CDK6: variants seen among roughly 807,000 people sequenced by gnomAD.
CDK6 encodes the protein cyclin dependent kinase 6.
Under a neutral mutation model 37.1 loss-of-function variants are expected in CDK6, and 6 were observed. The ratio of observed to expected loss-of-function variants is 0.16; its 90% CI spans 0.09 to 0.32. The LOEUF (loss-of-function observed/expected upper bound fraction) is 0.32. Ranked by LOEUF, CDK6 falls within the 10% of genes least tolerant of loss-of-function variation. The pLI is 1.00. For synonymous variants in CDK6, 160 were observed against 161.3 expected (o/e 0.99, Z 0.06); for missense variants, 224 against 418.9 (o/e 0.53, Z 4.06).
At chr7:92,657,375 G>A (rs2116572520) in intron 5 of CDK6, among the ~76,000 whole-genome samples, 1 of 152,266 alleles carries the variant, frequency 6.6e-6, no homozygotes, top group East Asian at 1.9e-4. Flanking sequence ...TGATGCATGA[G>A]CACTGGTGAC....
intron 2 of CDK6, among the ~76,000 whole-genome samples, chr7:92,782,286 T>C (rs572445867): frequency 4.6e-5 from 7 of 152,198 alleles, no homozygotes; most frequent in South Asian, 2.1e-4. Flanking sequence ...TCACATCAAG[T>C]AAATTTATTC....
chr7:92,801,398 G>A lies in CDK6; in HGVS notation c.234-26567C>T, dbSNP rs191558349. ...TTCTTAAATAACTGTACATACATGC[G>A]TGCTCTCTCTCTCTCTCTATCTGAA... On this transcript the variant is annotated intron_variant, in intron 2 of 7. Transcript: ENST00000424848. Among the ~76,000 whole-genome samples the A allele has an allele frequency of 2.6e-3, 394 of 152,102 alleles. 11 individuals are homozygous for A. The East Asian group carries it at 0.032, about 12-fold the overall frequency.
At chr7:92,672,158 T>TATACAC (rs1797088236) in intron 4 of CDK6, among the ~76,000 whole-genome samples, 1 of 102,726 alleles carries the variant, frequency 9.7e-6, no homozygotes, top group South Asian at 3.8e-4. Context: ...TATATATATA[T>TATACAC]ATACACATAC....
Position 92,809,870 on chromosome 7 carries a change from C to A in CDK6, c.233+23221G>T, listed in dbSNP as rs183321910. 2.0e-5 allele frequency among the ~76,000 whole-genome samples: 3 copies of A among 152,260 alleles called. No individual in the cohort carries two copies. In the East Asian group the frequency reaches 5.8e-4, roughly 29 times the overall value. On this transcript the variant is annotated intron_variant, in intron 2 of 7. Transcript: ENST00000424848. ...CCAGAGTGTGGCTGAAAAGAGAAACCAGGAAGTGCTGAGTCATCGTGAGCA... is the reference window on the plus strand; with the variant it reads ...CCAGAGTGTGGCTGAAAAGAGAAACAAGGAAGTGCTGAGTCATCGTGAGCA...
At chr7:92,641,655 T>C (rs527315382) in intron 5 of CDK6, among the ~76,000 whole-genome samples, 2 of 152,360 alleles carry the variant, frequency 1.3e-5, no homozygotes, top group South Asian at 2.1e-4. Flanking sequence ...GCATACATTA[T>C]ACAGATTTTT....
chr7:92,754,271 T>G (rs1799259019), intron 3 of CDK6, among the ~76,000 whole-genome samples: 1 of 152,228 alleles, frequency 6.6e-6, no homozygotes, highest in Admixed American at 6.5e-5. Context: ...CTGCATTGTC[T>G]TTGGTGCAAT....
Position 92,700,443 on chromosome 7 carries a change from C to T in CDK6, c.537+25183G>A, listed in dbSNP as rs116891194. On this transcript the variant is annotated intron_variant, in intron 4 of 7. Transcript: ENST00000424848. ...GAAAGGCAGGAAGAATAACTTTAAA[C>T]GAGTCAAATGAAGGAGAAAGAAAGA... Among the ~76,000 whole-genome samples the T allele has an allele frequency of 1.6e-3, 247 of 152,214 alleles. 3 individuals carry two copies. In the East Asian group the frequency reaches 0.043, roughly 26 times the overall value.
At chr7:92,818,324 T>C (rs1801079952) in intron 2 of CDK6, among the ~76,000 whole-genome samples, 1 of 152,008 alleles carries the variant, frequency 6.6e-6, no homozygotes, top group African/African-American at 2.4e-5. Context: ...TTAGCAAAGC[T>C]GCCAAGGTAA....
rs79511080 is a variant in CDK6, at chr7:92,769,459, C to A, written c.369+5237G>T. Among the ~76,000 whole-genome samples the A allele has an allele frequency of 7.2e-5, 11 of 152,312 alleles. No homozygotes were observed. In the East Asian group the frequency reaches 2.1e-3, roughly 29 times the overall value. ...TGTTCTTTTGTGTGACCTTTCAGTGCCTCAAACTTGTGAAACTATATTGAC... is the reference window on the plus strand; with the variant it reads ...TGTTCTTTTGTGTGACCTTTCAGTGACTCAAACTTGTGAAACTATATTGAC... On this transcript the variant is annotated intron_variant, in intron 3 of 7. Coordinates refer to ENST00000424848, the MANE Select transcript of CDK6 (RefSeq NM_001145306.2).
intron 2 of CDK6, among the ~76,000 whole-genome samples, chr7:92,786,505 A>G (rs1436920727): frequency 6.6e-6 from 1 of 152,126 alleles, no homozygotes; most frequent in Non-Finnish European, 1.5e-5. Context: ...CTGGGTTAAA[A>G]ACAAACTTGT....
At chr7:92,780,301 T>C (rs1334434521) in intron 2 of CDK6, among the ~76,000 whole-genome samples, 1 of 152,182 alleles carries the variant, frequency 6.6e-6, no homozygotes, top group Non-Finnish European at 1.5e-5. Context: ...ATGAGTTTCA[T>C]ATACAACAAC....
rs571588114 is a variant in CDK6, at chr7:92,757,349, T to C, written c.369+17347A>G. On this transcript the variant is annotated intron_variant, in intron 3 of 7. Coordinates refer to ENST00000424848, the MANE Select transcript of CDK6 (RefSeq NM_001145306.2). ...ACTCCAGTGTCTGTTGTTCCCTTCTTTGTGTTCATAAGTTCTCATCATTTA... is the reference window on the plus strand; with the variant it reads ...ACTCCAGTGTCTGTTGTTCCCTTCTCTGTGTTCATAAGTTCTCATCATTTA... Among the ~76,000 whole-genome samples the C allele has an allele frequency of 3.2e-4, 49 of 152,292 alleles. 1 individual carries two copies. In the South Asian group the frequency reaches 9.8e-3, roughly 30 times the overall value.
At chr7:92,634,094 C>T (rs987173162) in intron 5 of CDK6, among the ~76,000 whole-genome samples, 7 of 152,002 alleles carry the variant, frequency 4.6e-5, no homozygotes, top group African/African-American at 1.7e-4. Context: ...CTTCTTAATG[C>T]TTTGAAAATA....
chr7:92,661,923 A>G (rs544136159), intron 5 of CDK6, among the ~76,000 whole-genome samples: 1 of 152,354 alleles, frequency 6.6e-6, no homozygotes, highest in South Asian at 2.1e-4. Context: ...GGATGAAGAA[A>G]TGAGCAAGTG....
intron 2 of CDK6, among the ~76,000 whole-genome samples, chr7:92,802,679 TA>T (rs113310107): frequency 6.6e-6 from 1 of 152,358 alleles, no homozygotes; most frequent in African/African-American, 2.4e-5. Flanking sequence ...TTCCTCTATA[TA>T]AAAATGCACT....
chr7:92,752,506 G>A (rs1220509223), intron 3 of CDK6, among the ~76,000 whole-genome samples: 2 of 152,308 alleles, frequency 1.3e-5, no homozygotes, highest in East Asian at 3.9e-4. Context: ...GACCTAAAAT[G>A]AGAAACTACT....
intron 2 of CDK6, among the ~76,000 whole-genome samples, chr7:92,796,036 G>A (rs1041397450): frequency 6.7e-6 from 1 of 149,426 alleles, no homozygotes; most frequent in African/African-American, 2.5e-5. Flanking sequence ...ACAGAGCAAT[G>A]CTACCTAAAT....
chr7:92,649,962 C>T (rs937662524), intron 5 of CDK6, among the ~76,000 whole-genome samples: 2 of 152,180 alleles, frequency 1.3e-5, no homozygotes, highest in Non-Finnish European at 2.9e-5. Context: ...AAAAGCTTGT[C>T]TAAGCTTTAC....
At chr7:92,710,057 T>C (rs190862640) in intron 4 of CDK6, among the ~76,000 whole-genome samples, 21 of 152,338 alleles carry the variant, frequency 1.4e-4, no homozygotes, top group Admixed American at 1.1e-3. Context: ...TTCCTACCTA[T>C]ACAGTGGCCC....
Sources: gnomAD v4.1 joint callset for allele counts (sites outside exome capture counted in the v4.1 genomes callset) on GRCh38, gnomAD v4.1.1 for gene constraint, MANE v1.5 for transcripts, NCBI Gene and HGNC (gene_info 2026-07-23, HGNC 2026-07-21) for gene names.